CSTPP1: variants seen among roughly 807,000 people sequenced by gnomAD.
CSTPP1 encodes the protein centriolar satellite-associated tubulin polyglutamylase complex regulator 1.
At chr11:46,953,730 A>G in the CSTPP1 span, among the ~76,000 whole-genome samples, 4 of 152,218 alleles carry the variant, frequency 2.6e-5, no homozygotes, top group African/African-American at 9.7e-5. Flanking sequence ...AGCAATTCAT[A>G]AGTAAGAATT....
the CSTPP1 span, among the ~76,000 whole-genome samples, chr11:47,121,478 T>A: frequency 2.4e-4 from 36 of 152,122 alleles, no homozygotes; most frequent in Non-Finnish European, 4.7e-4. Flanking sequence ...TGAAAAAAAA[T>A]TCCATTATTC....
chr11:46,952,349 T>C, the CSTPP1 span, among the ~76,000 whole-genome samples: 2 of 152,348 alleles, frequency 1.3e-5, no homozygotes, highest in East Asian at 3.9e-4. Context: ...CAAACATCAC[T>C]TGTGCTCACA....
At chr11:46,944,357 T>TA in the CSTPP1 span, among the ~76,000 whole-genome samples, 1 of 151,910 alleles carries the variant, frequency 6.6e-6, no homozygotes, top group Non-Finnish European at 1.5e-5. Flanking sequence ...CTCATACATG[T>TA]AAGCATTTAT....
the CSTPP1 span, chr11:47,041,377 A>T: frequency 4.0e-6 from 1 of 247,538 alleles, no homozygotes; most frequent in East Asian, 9.1e-5. Context: ...GTTTGCTGAC[A>T]AAGTAGATGA....
chr11:47,007,462 A>G, the CSTPP1 span, among the ~76,000 whole-genome samples: 1 of 151,954 alleles, frequency 6.6e-6, no homozygotes, highest in Non-Finnish European at 1.5e-5. Flanking sequence ...TAATTATTGT[A>G]TTTTTTTAGT....
the CSTPP1 span, among the ~76,000 whole-genome samples, chr11:47,059,093 C>A: frequency 1.3e-5 from 2 of 152,166 alleles, no homozygotes; most frequent in East Asian, 3.8e-4. Flanking sequence ...AACACAGGAA[C>A]AGAAAACCAA....
chr11:46,948,257 C>A, the CSTPP1 span: 1 of 421,950 alleles, frequency 2.4e-6, no homozygotes, highest in South Asian at 1.6e-5. Context: ...GAGTTCTTTC[C>A]AACTTTGCCT....
At chr11:47,153,544 C>CTG in the CSTPP1 span, among the ~76,000 whole-genome samples, 4 of 152,164 alleles carry the variant, frequency 2.6e-5, no homozygotes, top group Non-Finnish European at 5.9e-5. Context: ...AGCTCCCCAG[C>CTG]TGTGTGTGTG....
At chr11:46,981,920 T>C in the CSTPP1 span, among the ~76,000 whole-genome samples, 1 of 152,102 alleles carries the variant, frequency 6.6e-6, no homozygotes, top group Non-Finnish European at 1.5e-5. Flanking sequence ...GAACACACTA[T>C]ATCCTTGGAC....
the CSTPP1 span, among the ~76,000 whole-genome samples, chr11:46,998,804 C>T: frequency 6.6e-6 from 1 of 152,082 alleles, no homozygotes; most frequent in African/African-American, 2.4e-5. Context: ...GGCGCGATCT[C>T]GGCTCACCGC....
At chr11:47,145,011 T>TA in the CSTPP1 span, among the ~76,000 whole-genome samples, 1 of 107,354 alleles carries the variant, frequency 9.3e-6, no homozygotes, top group South Asian at 3.2e-4. Context: ...TTTTTTGAGA[T>TA]AGAGTCTTGC....
At chr11:47,137,612 G>T in the CSTPP1 span, 1 of 1,614,070 alleles carries the variant, frequency 6.2e-7, no homozygotes, top group African/African-American at 1.3e-5. Flanking sequence ...GAAATGCAGA[G>T]ACCTAATGTG....
chr11:47,060,060 T>C, the CSTPP1 span, among the ~76,000 whole-genome samples: 2 of 148,482 alleles, frequency 1.3e-5, no homozygotes, highest in Non-Finnish European at 3.0e-5. Flanking sequence ...GCCAAGATCA[T>C]GCCACTGCAC....
chr11:46,946,982 CAT>C, the CSTPP1 span, among the ~76,000 whole-genome samples: 5 of 152,316 alleles, frequency 3.3e-5, no homozygotes, highest in African/African-American at 1.2e-4. Flanking sequence ...GAATTCCTAA[CAT>C]GTGAGAGAAA....
the CSTPP1 span, among the ~76,000 whole-genome samples, chr11:47,099,546 C>T: frequency 3.9e-5 from 6 of 152,152 alleles, no homozygotes; most frequent in Admixed American, 3.9e-4. Context: ...AGATTTATAC[C>T]AATATGCAGA....
At chr11:47,045,880 G>A in the CSTPP1 span, among the ~76,000 whole-genome samples, 11 of 151,888 alleles carry the variant, frequency 7.2e-5, no homozygotes, top group South Asian at 2.1e-4. Flanking sequence ...TCCGTCCCCC[G>A]GGTTTAAGCA....
At chr11:46,966,227 G>A in the CSTPP1 span, among the ~76,000 whole-genome samples, 2 of 152,116 alleles carry the variant, frequency 1.3e-5, no homozygotes, top group Admixed American at 6.5e-5. Flanking sequence ...ATTTTTAGTA[G>A]AGACGGGGTT....
At chr11:47,018,207 C>T in the CSTPP1 span, among the ~76,000 whole-genome samples, 2 of 148,770 alleles carry the variant, frequency 1.3e-5, no homozygotes, top group South Asian at 2.1e-4. Flanking sequence ...GTACTCATTT[C>T]TGTGTGAACA....
chr11:47,090,987 C>T, the CSTPP1 span, among the ~76,000 whole-genome samples: 6 of 144,560 alleles, frequency 4.2e-5, no homozygotes, highest in African/African-American at 1.0e-4. Context: ...TGCAGTGAGC[C>T]GAGATCACAC....
Sources: gnomAD v4.1 joint callset for allele counts (sites outside exome capture counted in the v4.1 genomes callset) on GRCh38, gnomAD v4.1.1 for gene constraint, MANE v1.5 for transcripts, NCBI Gene and HGNC (gene_info 2026-07-23, HGNC 2026-07-21) for gene names.